Variants in INTS11 observed in about 807,000 individuals in gnomAD.
The protein encoded by INTS11 is CPSF3-like protein.
In INTS11, 77 loss-of-function variants were observed where a neutral mutation model predicts 78.6. That is an observed-to-expected ratio of 0.98 (90% CI 0.81 to 1.18). The LOEUF is 1.18. Among genes scored for constraint, INTS11 ranks in the 50% most tolerant of loss-of-function variants. The pLI is 0.00. For synonymous variants in INTS11, 441 were observed against 326.9 expected, an observed-to-expected ratio of 1.35 and a Z score of -3.77; for missense variants, 875 against 825.9, an observed-to-expected ratio of 1.06 and a Z score of -0.73.
chr1:1,318,532 G>A (rs764362272), intron 4 of INTS11: 3 of 217,720 alleles, frequency 1.4e-5, no homozygotes, highest in Non-Finnish European at 2.7e-5. Flanking sequence ...ATGGGCACAT[G>A]CTTGTAGTCC....
intron 5 of INTS11, 40 bp downstream of exon 5, chr1:1,315,480 C>G: frequency 6.2e-7 from 1 of 1,612,862 alleles, no homozygotes. Flanking sequence ...GTGCCTCCCA[C>G]CCCAGCAGCC....
In INTS11 at chr1:1,312,918, G is replaced by C; in HGVS notation, c.1163C>G (p.Ser388Ter). 6.2e-7 allele frequency: 1 copy of C among 1,612,390 alleles called. No homozygotes were observed. The highest frequency in any genetic ancestry group is 8.5e-7 in the Non-Finnish European group (1 of 1,179,678). ...LEVKMQVEYM[S>*]FSAHADAKGI... ...CTTGGCGTCCGCGTGTGCGCTGAAT[G>C]ACATGTACTCCACCTGCATCTTGAC... Residue 388 changes from serine (S) to a stop codon, truncating the protein, a stop_gained, in exon 12 of 17, where the codon TCA (serine) becomes TGA (stop). Coordinates refer to ENST00000435064, the MANE Select transcript of INTS11 (RefSeq NM_017871.6). LOFTEE classifies it high-confidence loss of function.
rs975357377 is a variant in INTS11, at chr1:1,314,588, C to T, written c.703-223G>A. On this transcript the variant is annotated intron_variant, in intron 7 of 16. Transcript: ENST00000435064. The surrounding 1 kb of genome is among the most constrained non-coding windows in gnomAD (Gnocchi z 4.2). ...AGACAGAAGGGAGCTGCATGAGAGA[C>T]AGAAGGAGCCTGGCCAGGGCTTCGT... 16 of 634,654 alleles carry T rather than the reference C, an allele frequency of 2.5e-5. No homozygotes were observed. The highest frequency in any genetic ancestry group is 1.1e-4 in the East Asian group (4 of 36,014). 39.3% of individuals were successfully genotyped at this position (634,654 alleles called of 1,614,324 possible).
At position 1,312,319 on chromosome 1, in the gene INTS11, G is replaced by A. The variant is rs1279184113; in HGVS notation, c.1514C>T (p.Ala505Val). 5.2e-6 allele frequency: 8 copies of A among 1,553,386 alleles called. No individual in the cohort carries two copies. In the South Asian group the frequency reaches 8.3e-5, roughly 16 times the overall value. The change falls in exon 15 of 17, where the codon GCT becomes GTT. Residue 505 changes from alanine to valine, a missense_variant. Ala to Val is a moderately conservative substitution (Grantham distance 64). Transcript: ENST00000435064. ...GCAGGTGAAGCGCAGCTGGTGCTCA[G>A]CCAGACCCAGCTCTTTGAGGGCTTG... ...SEQALKELGL[A>V]EHQLRFTCRV... is the part of the protein sequence containing the mutation.
Position 1,312,213 on chromosome 1 carries a change from G to GCCCGGCCCCCCCCCCCCCCCCCCCCCC in INTS11, c.1607+12_1607+13insGGGGGGGGGGGGGGGGGGGGGGCCGGG. Reference sequence around the variant, plus strand: ...CCCAAGGGAGTGGGGGGGGGGCGGGGCCGGGCGCCCACCTCTTGAGGTGGC... The same window carrying GCCCGGCCCCCCCCCCCCCCCCCCCCCC: ...CCCAAGGGAGTGGGGGGGGGGCGGGGCCCGGCCCCCCCCCCCCCCCCCCCCCCCCGGGCGCCCACCTCTTGAGGTGGC... On this transcript the variant is annotated intron_variant, in intron 15 of 16. Coordinates refer to ENST00000435064, the MANE Select transcript of INTS11 (RefSeq NM_017871.6). 1 of 934,620 alleles carries GCCCGGCCCCCCCCCCCCCCCCCCCCCC rather than the reference G, an allele frequency of 1.1e-6. No individual in the cohort carries two copies. The highest frequency in any genetic ancestry group is 1.6e-6 in the Non-Finnish European group (1 of 636,668). The allele number at this position is 934,620 out of a possible 1,614,324, so 57.9% of individuals were successfully genotyped here. A position where few individuals can be genotyped will look rare whatever the true frequency, so the allele number is the denominator to read the frequency against.
intron 1 of INTS11, 69 bp downstream of exon 1, chr1:1,324,512 G>T: frequency 6.8e-7 from 1 of 1,472,818 alleles, no homozygotes; most frequent in Non-Finnish European, 9.3e-7. Context: ...GGGAGGGAGC[G>T]GGGCGCCCAG....
rs202018000 is a variant in INTS11, at chr1:1,320,965, A to G, written c.126+31T>C. 2.5e-6 allele frequency: 4 copies of G among 1,591,530 alleles called. No homozygotes were observed. The East Asian group carries it at 8.9e-5, about 36-fold the overall frequency. On this transcript the variant is annotated intron_variant, in intron 2 of 16. Transcript: ENST00000435064. ...CCAGCTGTGGATGGCCGGCTCTCCC[A>G]GCCTCTGGGCCTCCTGCCCAAGGGA...
intron 6 of INTS11, 188 bp downstream of exon 6, chr1:1,315,216 G>A (rs968715270): frequency 1.3e-5 from 10 of 756,480 alleles, no homozygotes; most frequent in African/African-American, 8.8e-5. Context: ...GAGAAGGAGG[G>A]ACAGAGGCCC....
At chr1:1,312,204 G>GGGGGGGGC in intron 15 of INTS11, 22 bp downstream of exon 15, 1 of 1,186,130 alleles carries the variant, frequency 8.4e-7, no homozygotes, top group Non-Finnish European at 1.2e-6. Context: ...GGAGTGGGGG[G>GGGGGGGGC]GGGGCGGGGC....
At chr1:1,315,095 G>A in intron 6 of INTS11, 133 bp from the exon 7 acceptor site, 2 of 1,132,824 alleles carry the variant, frequency 1.8e-6, no homozygotes, top group Non-Finnish European at 2.5e-6. Flanking sequence ...GAGCCAGCTG[G>A]TAAAATGCTG....
In INTS11 at chr1:1,312,803, C is replaced by T. The variant is rs570975749; in HGVS notation, c.1278G>A (p.Lys426=). 5 of 1,609,382 alleles carry T rather than the reference C, an allele frequency of 3.1e-6. No individual in the cohort carries two copies. The highest frequency in any genetic ancestry group is 4.5e-5 in the East Asian group (2 of 44,780). ...EAKKMEFLKQ[K]IEQELRVNCY... ...GCTGCCTACGGAGCTCCTGCTCGAT[C>T]TTCTGCTTCAGGAACTCCATCTTCT... Residue 426 remains lysine (K), a synonymous_variant, in exon 12 of 17, where the codon AAG becomes AAA. Coordinates refer to ENST00000435064, the MANE Select transcript of INTS11 (RefSeq NM_017871.6).
intron 1 of INTS11, chr1:1,322,878 G>C: frequency 8.4e-7 from 1 of 1,197,078 alleles, no homozygotes; most frequent in Non-Finnish European, 1.0e-6. Context: ...ACAGGACTTC[G>C]GCTTTGATGA....
chr1:1,319,517 G>T lies in INTS11; in HGVS notation c.208C>A (p.His70Asn). The T allele has an allele frequency of 6.3e-7, 1 of 1,577,280 alleles. No homozygotes were observed. The change falls in exon 4 of 17, where the codon CAC becomes AAC. Residue 70 changes from histidine (H) to asparagine (N), a missense_variant. Coordinates refer to ENST00000435064, the MANE Select transcript of INTS11 (RefSeq NM_017871.6). ...FLDCVIISHFHLDHCGALPYF... is the reference protein window; with the variant it reads ...FLDCVIISHFNLDHCGALPYF... ...GGGAGTGCCCCGCAGTGGTCCAGGT[G>T]GAAGTGGCTAGGGGGACGCAGCACA...
chr1:1,312,208 G>GGGGGGGCGGGGC lies in INTS11; in HGVS notation c.1607+17_1607+18insGCCCCGCCCCCC. On this transcript the variant is annotated intron_variant, in intron 15 of 16. Transcript: ENST00000435064. ...CAGGGCCCAAGGGAGTGGGGGGGGG[G>GGGGGGGCGGGGC]CGGGGCCGGGCGCCCACCTCTTGAG... 1 of 1,123,368 alleles carries GGGGGGGCGGGGC rather than the reference G, an allele frequency of 8.9e-7. No individual in the cohort carries two copies. The allele number at this position is 1,123,368 out of a possible 1,614,324, so 69.6% of individuals were successfully genotyped here.
At chr1:1,316,040 G>A (rs1004753270) in intron 4 of INTS11, 4 of 249,352 alleles carry the variant, frequency 1.6e-5, no homozygotes, top group Non-Finnish European at 2.4e-5. Context: ...CAGAATGTTG[G>A]CGGCCAGGCC....
Position 1,312,306 on chromosome 1 carries a change from C to T in INTS11, c.1527G>A (p.Leu509=), listed in dbSNP as rs1231803198. Reference sequence around the variant, plus strand: ...GCAGGTGCACGCGGCAGGTGAAGCGCAGCTGGTGCTCAGCCAGACCCAGCT... The same window carrying T: ...GCAGGTGCACGCGGCAGGTGAAGCGTAGCTGGTGCTCAGCCAGACCCAGCT... ...LKELGLAEHQ[L]RFTCRVHLHD... Residue 509 remains leucine (L), a synonymous_variant, in exon 15 of 17, where the codon CTG becomes CTA. Coordinates refer to ENST00000435064, the MANE Select transcript of INTS11 (RefSeq NM_017871.6). The T allele has an allele frequency of 4.5e-6, 7 of 1,550,894 alleles. No homozygotes were observed. The highest frequency in any genetic ancestry group is 5.2e-6 in the Non-Finnish European group (6 of 1,147,404).
chr1:1,312,396 G>A (rs767501909), intron 14 of INTS11, 28 bp from the exon 15 acceptor site: 125 of 1,564,806 alleles, frequency 8.0e-5, no homozygotes, highest in Non-Finnish European at 9.6e-5. Context: ...GTCAGTGAGC[G>A]CAGCAGCGGC....
intron 3 of INTS11, chr1:1,320,254 G>A (rs1307592699): frequency 8.5e-6 from 5 of 586,118 alleles, no homozygotes; most frequent in African/African-American, 7.5e-5. Context: ...AGGGTTCAGA[G>A]GGCAGGGCCG....
Position 1,319,327 on chromosome 1 carries a change from A to G in INTS11, c.398T>C (p.Val133Ala), listed in dbSNP as rs1642808592. 6 of 1,613,140 alleles carry G rather than the reference A, an allele frequency of 3.7e-6. No individual in the cohort carries two copies. The highest frequency in any genetic ancestry group is 5.1e-6 in the Non-Finnish European group (6 of 1,179,988). The stretch of plus-strand genomic sequence containing the variant: ...CGTCTGGTGGAGGTGGACAGCCACC[A>G]CCTTCTTCATGCAGTCTTTGATCAT... ...SQMIKDCMKK[V>A]VAVHLHQTVQ... is the part of the protein sequence containing the mutation. The change falls in exon 4 of 17, where the codon GTG becomes GCG. Residue 133 changes from valine to alanine, a missense_variant. Physicochemically the swap from Val to Ala is moderately conservative, Grantham distance 64 (BLOSUM62 0). Coordinates refer to ENST00000435064, the MANE Select transcript of INTS11 (RefSeq NM_017871.6).
Sources: allele counts gnomAD v4.1 joint callset, GRCh38; gene constraint gnomAD v4.1.1; non-coding constraint Gnocchi (gnomAD v3.1); transcripts MANE v1.5; gene names NCBI Gene and HGNC (gene_info 2026-07-23, HGNC 2026-07-21).